Variants in ASB18 observed in about 807,000 individuals in gnomAD.
ASB18 encodes ankyrin repeat and SOCS box containing 18.
ASB18 carries 33 observed loss-of-function variants against 33.4 expected under a neutral mutation model. The observed-to-expected ratio is 0.99, with a 90% CI of 0.75 to 1.32. ASB18 has a LOEUF of 1.32. Ranked by LOEUF, ASB18 falls within the 40% of genes most tolerant of loss-of-function variation. ASB18 has a pLI of 0.00. For synonymous variants in ASB18, 295 were observed against 307.6 expected, an observed-to-expected ratio of 0.96 and a Z score of 0.43; for missense variants, 694 against 655.5, an observed-to-expected ratio of 1.06 and a Z score of -0.64.
In ASB18 at chr2:236,205,316, C is replaced by T. The variant is rs186039086; in HGVS notation, c.1102-8931G>A. On this transcript the variant is annotated intron_variant, in intron 4 of 5. Transcript: ENST00000409749. The surrounding 1 kb of genome is among the most constrained non-coding windows in gnomAD (Gnocchi z 5.4). ...CACACTGGTCCCCTGTGGTTCTGTG[C>T]GCAGGGCTGGCCCACTCCAGCCTTA... Among the ~76,000 whole-genome samples the T allele has an allele frequency of 4.7e-3, 717 of 152,266 alleles. 4 individuals are homozygous for T. Among genetic ancestry groups the T allele is most frequent in the Non-Finnish European group, 8.3e-3 (563 of 68,032 alleles).
chr2:236,237,840 T>G lies in ASB18; in HGVS notation c.445A>C (p.Ser149Arg), dbSNP rs773417237. ...TGCAGGGCGCCGCGGCCGCCGGGGCTGGCGTCTGGGTCTGCGCCGCGGCCG... is the reference window on the plus strand; with the variant it reads ...TGCAGGGCGCCGCGGCCGCCGGGGCGGGCGTCTGGGTCTGCGCCGCGGCCG... ...LLGRGADPDA[S>R]PGGRGALHEA... Residue 149 changes from serine (S) to arginine (R), a missense_variant, in exon 3 of 6, where the codon AGC becomes CGC. Transcript: ENST00000409749. The surrounding 1 kb of genome is among the most constrained non-coding windows in gnomAD (Gnocchi z 6.2). 4.7e-5 allele frequency: 66 copies of G among 1,392,722 alleles called. 1 individual carries two copies. The South Asian group carries it at 9.8e-4, about 21-fold the overall frequency. The allele number at this position is 1,392,722 out of a possible 1,614,324, so 86.3% of individuals were successfully genotyped here.
At chr2:236,207,456 C>G (rs770362378) in intron 4 of ASB18, among the ~76,000 whole-genome samples, 18 of 152,226 alleles carry the variant, frequency 1.2e-4, no homozygotes, top group Non-Finnish European at 2.2e-4. Context: ...CTTGGATCTC[C>G]TGTTTTCTGG....
At position 236,195,176 on chromosome 2, in the gene ASB18, A is replaced by G. The variant is rs1363208510; in HGVS notation, c.1216-119T>C. The G allele has an allele frequency of 4.5e-6, 4 of 894,268 alleles. No homozygotes were observed. The East Asian group carries it at 1.1e-4, about 24-fold the overall frequency. The allele number at this position is 894,268 out of a possible 1,614,324, so 55.4% of individuals were successfully genotyped here. On this transcript the variant is annotated intron_variant, in intron 5 of 5. Transcript: ENST00000409749. This position sits in a 1 kb window ranked among gnomAD's most constrained non-coding sequence, Gnocchi z 5.5. ...TTCTATGGCTAACTGATCCCAGATA[A>G]GCGCACTGGAGGGAGACGCACCATC...
chr2:236,260,050 G>C lies in ASB18; in HGVS notation c.205+4091C>G, dbSNP rs1383666004. ...CTGTTCTATTTGGTGGGAGTAGTAA[G>C]TTCACAGGCCGATGAGCATGGTGAT... On this transcript the variant is annotated intron_variant, in intron 1 of 5. Coordinates refer to ENST00000409749, the MANE Select transcript of ASB18 (RefSeq NM_212556.4). The surrounding 1 kb of genome is among the most constrained non-coding windows in gnomAD (Gnocchi z 5.1). 6.6e-6 allele frequency among the ~76,000 whole-genome samples: 1 copy of C among 152,236 alleles called. No homozygotes were observed. Among genetic ancestry groups the C allele is most frequent in the Non-Finnish European group, 1.5e-5 (1 of 68,046 alleles).
Position 236,194,935 on chromosome 2 carries a change from C to T in ASB18, c.1338G>A (p.Leu446=). 2 of 1,613,836 alleles carry T rather than the reference C, an allele frequency of 1.2e-6. No homozygotes were observed. The highest frequency in any genetic ancestry group is 3.3e-4 in the Middle Eastern group (2 of 6,062). Residue 446 remains leucine (L), a synonymous_variant, in exon 6 of 6, where the codon CTG becomes CTA. Coordinates refer to ENST00000409749, the MANE Select transcript of ASB18 (RefSeq NM_212556.4). The surrounding 1 kb of genome is among the most constrained non-coding windows in gnomAD (Gnocchi z 4.5). ...FGKRCFDLIP[L]LPLPKPLQNY... ...TCTGCAGGGGCTTTGGCAAGGGTAA[C>T]AGGGGGATGAGGTCAAAGCACCTTT... is the stretch of plus-strand genomic sequence containing the variant.
rs1215967757 is a variant in ASB18 at position 236,226,058 on chromosome 2, T to C, written c.597-11192A>G. On this transcript the variant is annotated intron_variant, in intron 3 of 5. Coordinates refer to ENST00000409749, the MANE Select transcript of ASB18 (RefSeq NM_212556.4). The surrounding 1 kb of genome is among the most constrained non-coding windows in gnomAD (Gnocchi z 4.8). ...AGAAAGTAGCTCTTTCTTGTCAAAG[T>C]GATAATGTTTATACTACCTGAAGCC... Among the ~76,000 whole-genome samples, 1 of 152,206 alleles carries C rather than the reference T, an allele frequency of 6.6e-6. No individual in the cohort carries two copies. The highest frequency in any genetic ancestry group is 1.5e-5 in the Non-Finnish European group (1 of 68,038).
intron 4 of ASB18, among the ~76,000 whole-genome samples, chr2:236,198,844 T>A (rs1172518435): frequency 1.3e-5 from 2 of 151,850 alleles, no homozygotes; most frequent in East Asian, 3.9e-4. Flanking sequence ...AATAATGATA[T>A]TTTTTTCTCC....
rs1041778087 is a variant in ASB18 at position 236,205,473 on chromosome 2, C to T, written c.1101+8889G>A. Reference sequence around the variant, plus strand: ...CCTGACTTAAAATTGCAACTGCCTTCCACCCTTTTAATTTCTCTATAGTCC... The same window carrying T: ...CCTGACTTAAAATTGCAACTGCCTTTCACCCTTTTAATTTCTCTATAGTCC... On this transcript the variant is annotated intron_variant, in intron 4 of 5. Coordinates refer to ENST00000409749, the MANE Select transcript of ASB18 (RefSeq NM_212556.4). This position sits in a 1 kb window ranked among gnomAD's most constrained non-coding sequence, Gnocchi z 5.4. Among the ~76,000 whole-genome samples, 12 of 152,192 alleles carry T rather than the reference C, an allele frequency of 7.9e-5. No homozygotes were observed. Among genetic ancestry groups the T allele is most frequent in the African/African-American group, 2.9e-4 (12 of 41,452 alleles).
In ASB18 at chr2:236,223,724, C is replaced by G. The variant is rs970700216; in HGVS notation, c.597-8858G>C. The stretch of plus-strand genomic sequence containing the variant: ...CAGTCATAACCCCCGTAGGCAACCA[C>G]TGTGCTGATTTTTCTCACAGTGGGT... On this transcript the variant is annotated intron_variant, in intron 3 of 5. Transcript: ENST00000409749. The surrounding 1 kb of genome is among the most constrained non-coding windows in gnomAD (Gnocchi z 4.6). Among the ~76,000 whole-genome samples the G allele has an allele frequency of 3.3e-5, 5 of 152,188 alleles. No individual in the cohort carries two copies. The highest frequency in any genetic ancestry group is 1.2e-4 in the African/African-American group (5 of 41,454).
intron 1 of ASB18, among the ~76,000 whole-genome samples, chr2:236,254,738 G>C (rs949446174): frequency 2.0e-5 from 3 of 151,972 alleles, no homozygotes; most frequent in Non-Finnish European, 4.4e-5. Flanking sequence ...TAAGCCCATC[G>C]TTGATGGGAA....
At chr2:236,227,782 A>G (rs912215622) in intron 3 of ASB18, among the ~76,000 whole-genome samples, 6 of 152,170 alleles carry the variant, frequency 3.9e-5, no homozygotes, top group African/African-American at 1.4e-4. Flanking sequence ...TGTCTTAGAA[A>G]CTTTCTGGTA....
rs1028819412 is a variant in ASB18, at chr2:236,248,242, C to G, written c.206-6840G>C. 1.3e-5 allele frequency: 2 copies of G among 152,166 alleles called. No homozygotes were observed. The highest frequency in any genetic ancestry group is 2.9e-5 in the Non-Finnish European group (2 of 68,038). The allele number at this position is 152,166 out of a possible 1,614,324, so 9.4% of individuals were successfully genotyped here. On this transcript the variant is annotated intron_variant, in intron 1 of 5. Coordinates refer to ENST00000409749, the MANE Select transcript of ASB18 (RefSeq NM_212556.4). This position sits in a 1 kb window ranked among gnomAD's most constrained non-coding sequence, Gnocchi z 4.9. ...AAAAAACACGATGCCTGGAGCCCAC[C>G]TGGTAGTTTCAGGCATAATGGGTTG...
chr2:236,224,999 T>G (rs2060530668), intron 3 of ASB18, among the ~76,000 whole-genome samples: 1 of 152,334 alleles, frequency 6.6e-6, no homozygotes, highest in South Asian at 2.1e-4. Flanking sequence ...TATCAATGCC[T>G]GTGAGCCTGG....
chr2:236,232,756 G>A (rs923606054), intron 3 of ASB18, among the ~76,000 whole-genome samples: 5 of 151,966 alleles, frequency 3.3e-5, no homozygotes, highest in Admixed American at 2.0e-4. Context: ...AATAATCTGA[G>A]TAGCCCTATA....
At chr2:236,258,183 G>A (rs13407283) in intron 1 of ASB18, among the ~76,000 whole-genome samples, 8,320 of 152,244 alleles carry the variant, frequency 0.055, 825 homozygotes, top group African/African-American at 0.19. Context: ...CGAAGGCAGG[G>A]TGTGGCCCAC....
Position 236,193,782 on chromosome 2 carries a change from C to T in ASB18, c.*1090G>A, listed in dbSNP as rs551884450. Among the ~76,000 whole-genome samples, 1 of 148,858 alleles carries T rather than the reference C, an allele frequency of 6.7e-6. No homozygotes were observed. The highest frequency in any genetic ancestry group is 2.5e-5 in the African/African-American group (1 of 40,326). ...GTCTCAAAACAAACAAACAAACAAACAAAAAAACAAAAAAGAAACAAGACT... is the reference window on the plus strand; with the variant it reads ...GTCTCAAAACAAACAAACAAACAAATAAAAAAACAAAAAAGAAACAAGACT... On this transcript the variant is annotated 3_prime_UTR_variant, in exon 6 of 6. Transcript: ENST00000409749. This position sits in a 1 kb window ranked among gnomAD's most constrained non-coding sequence, Gnocchi z 5.0.
intron 1 of ASB18, among the ~76,000 whole-genome samples, chr2:236,261,342 A>C (rs868543264): frequency 6.6e-6 from 1 of 152,286 alleles, no homozygotes; most frequent in Middle Eastern, 3.4e-3. Context: ...CACCTGGGCA[A>C]CTGCCTTCAA....
chr2:236,264,223 C>A lies in ASB18; in HGVS notation c.123G>T (p.Thr41=), dbSNP rs375652640. Residue 41 remains threonine, a synonymous_variant, in exon 1 of 6, where the codon ACG becomes ACT. Transcript: ENST00000409749. This position sits in a 1 kb window ranked among gnomAD's most constrained non-coding sequence, Gnocchi z 5.1. ...RVRDLICTEI[T]PVDAVIELAN... ...CCAGTTCTATCACAGCGTCCACAGGCGTGATTTCAGTGCAGATTAAATCCC... is the reference window on the plus strand; with the variant it reads ...CCAGTTCTATCACAGCGTCCACAGGAGTGATTTCAGTGCAGATTAAATCCC... 1.2e-5 allele frequency: 20 copies of A among 1,613,842 alleles called. No homozygotes were observed. The highest frequency in any genetic ancestry group is 1.7e-5 in the Non-Finnish European group (20 of 1,179,890).
In ASB18 at chr2:236,237,813, C is replaced by A; in HGVS notation, c.472G>T (p.Glu158Ter). 2 of 1,379,544 alleles carry A rather than the reference C, an allele frequency of 1.4e-6. No individual in the cohort carries two copies. The highest frequency in any genetic ancestry group is 9.3e-7 in the Non-Finnish European group (1 of 1,077,162). 85.5% of individuals were successfully genotyped at this position (1,379,544 alleles called of 1,614,324 possible). The change falls in exon 3 of 6, where the codon GAG becomes TAG. Residue 158 changes from glutamate to a stop codon, truncating the protein, a stop_gained. Transcript: ENST00000409749. LOFTEE classifies it high-confidence loss of function. This position sits in a 1 kb window ranked among gnomAD's most constrained non-coding sequence, Gnocchi z 6.2. ...GCGGTGTGGCCCCCGAGGCAGGCCT[C>A]GTGCAGGGCGCCGCGGCCGCCGGGG... Reference protein sequence around the residue: ...ASPGGRGALHEACLGGHTACV... With the variant: ...ASPGGRGALH
Sources: gnomAD v4.1 joint callset for allele counts (sites outside exome capture counted in the v4.1 genomes callset) on GRCh38, gnomAD v4.1.1 for gene constraint, Gnocchi (gnomAD v3.1) non-coding constraint, MANE v1.5 for transcripts, NCBI Gene and HGNC (gene_info 2026-07-23, HGNC 2026-07-21) for gene names.